Variants in ARK2N observed in about 807,000 individuals in gnomAD.
ARK2N encodes the protein protein ARK2N.
At chr18:46,248,473 G>A in the ARK2N span, among the ~76,000 whole-genome samples, 1 of 152,066 alleles carries the variant, frequency 6.6e-6, no homozygotes, top group Non-Finnish European at 1.5e-5. Context: ...TAGCTAAGAG[G>A]GTGAAAGTAT....
At chr18:46,181,486 C>CG in the ARK2N span, among the ~76,000 whole-genome samples, 58,484 of 151,694 alleles carry the variant, frequency 0.39, 13,773 homozygotes, top group African/African-American at 0.67. Context: ...GAGGCTGAGG[C>CG]GGCGGATCAT....
the ARK2N span, among the ~76,000 whole-genome samples, chr18:46,252,125 G>A: frequency 2.0e-5 from 3 of 151,784 alleles, no homozygotes; most frequent in Admixed American, 6.6e-5. Context: ...CCTGGGAGGC[G>A]GAGGCTGCAG....
chr18:46,240,306 T>A, the ARK2N span: 1 of 1,104,582 alleles, frequency 9.1e-7, no homozygotes, highest in Admixed American at 2.7e-5. Context: ...TGGCATTGAA[T>A]GATTGGTTGT....
the ARK2N span, among the ~76,000 whole-genome samples, chr18:46,253,395 T>C: frequency 1.3e-5 from 2 of 152,346 alleles, no homozygotes; most frequent in East Asian, 3.8e-4. Flanking sequence ...TAGACAGATA[T>C]AGGTATTTAC....
the ARK2N span, among the ~76,000 whole-genome samples, chr18:46,186,558 G>A: frequency 0.028 from 3,978 of 139,762 alleles, 70 homozygotes; most frequent in Non-Finnish European, 0.04. Flanking sequence ...AGGCTGGAGT[G>A]CAGTGGCGGG....
chr18:46,184,576 G>A, the ARK2N span, among the ~76,000 whole-genome samples: 1 of 152,180 alleles, frequency 6.6e-6, no homozygotes, highest in Non-Finnish European at 1.5e-5. Context: ...ACAAAAATTA[G>A]CCTGGCTTGG....
chr18:46,203,853 CT>C, the ARK2N span, among the ~76,000 whole-genome samples: 11 of 152,150 alleles, frequency 7.2e-5, no homozygotes, highest in Non-Finnish European at 1.5e-4. Context: ...TCTCAAAGTA[CT>C]GGGATTACAG....
chr18:46,239,431 A>G, the ARK2N span, among the ~76,000 whole-genome samples: 1 of 152,238 alleles, frequency 6.6e-6, no homozygotes, highest in Non-Finnish European at 1.5e-5. Context: ...AGAATGTCAT[A>G]AAGTGTATAA....
the ARK2N span, chr18:46,266,539 TAAAAAA>T: frequency 6.6e-6 from 1 of 152,184 alleles, no homozygotes; most frequent in Non-Finnish European, 1.5e-5. Flanking sequence ...GTAGTGATCT[TAAAAAA>T]AAATCACTGG....
At chr18:46,258,453 T>C in the ARK2N span, among the ~76,000 whole-genome samples, 1 of 152,196 alleles carries the variant, frequency 6.6e-6, no homozygotes, top group Non-Finnish European at 1.5e-5. Context: ...CTGCTGTGTG[T>C]GCGCGCACAC....
chr18:46,181,260 C>T, the ARK2N span, among the ~76,000 whole-genome samples: 2 of 151,702 alleles, frequency 1.3e-5, no homozygotes, highest in East Asian at 2.0e-4. Flanking sequence ...GACTCCCTCT[C>T]GGGAGGTGGG....
chr18:46,255,034 T>C, the ARK2N span, among the ~76,000 whole-genome samples: 1 of 152,330 alleles, frequency 6.6e-6, no homozygotes, highest in South Asian at 2.1e-4. Flanking sequence ...TATTCATTAC[T>C]TGGCTCTTTG....
chr18:46,189,653 A>G, the ARK2N span, among the ~76,000 whole-genome samples: 1 of 151,622 alleles, frequency 6.6e-6, no homozygotes, highest in East Asian at 1.9e-4. Flanking sequence ...TTGCAAGACC[A>G]GGGAGGGTAG....
At chr18:46,253,737 TGC>T in the ARK2N span, 1 of 883,108 alleles carries the variant, frequency 1.1e-6, no homozygotes, top group Admixed American at 3.6e-5. Context: ...ACAAAACATC[TGC>T]TGGCAATGCG....
chr18:46,215,755 TG>T, the ARK2N span: 1 of 895,408 alleles, frequency 1.1e-6, no homozygotes, highest in Non-Finnish European at 1.7e-6. Flanking sequence ...GTAGGCATGT[TG>T]TGTTGACTAA....
At chr18:46,259,531 C>T in the ARK2N span, among the ~76,000 whole-genome samples, 5 of 151,964 alleles carry the variant, frequency 3.3e-5, no homozygotes, top group South Asian at 2.1e-4. Context: ...CGTGAGCCAC[C>T]GCGCCCAGCC....
chr18:46,266,897 G>A, the ARK2N span: 1 of 152,218 alleles, frequency 6.6e-6, no homozygotes, highest in East Asian at 1.9e-4. Flanking sequence ...ATATTTTTTG[G>A]TGCAAGATAA....
At chr18:46,264,907 T>A in the ARK2N span, 4 of 152,582 alleles carry the variant, frequency 2.6e-5, no homozygotes, top group East Asian at 5.8e-4. Context: ...TTATTTTTTT[T>A]ATTTTTATTT....
chr18:46,221,126 ACT>A, the ARK2N span, among the ~76,000 whole-genome samples: 2 of 147,462 alleles, frequency 1.4e-5, no homozygotes, highest in East Asian at 4.2e-4. Flanking sequence ...ACAGAGCGAG[ACT>A]CTGTCTCAAA....
Sources: gnomAD v4.1 joint callset for allele counts (sites outside exome capture counted in the v4.1 genomes callset) on GRCh38, gnomAD v4.1.1 for gene constraint, MANE v1.5 for transcripts, NCBI Gene and HGNC (gene_info 2026-07-23, HGNC 2026-07-21) for gene names.